MID1: variants seen among roughly 807,000 people sequenced by gnomAD.
MID1 encodes midline 1.
Under a neutral mutation model 40.4 loss-of-function variants are expected in MID1, and 7 were observed. The ratio of observed to expected loss-of-function variants is 0.17; its 90% CI spans 0.10 to 0.33. MID1 has a LOEUF of 0.33. Ranked by LOEUF, MID1 falls within the 10% of genes least tolerant of loss-of-function variation. MID1 has a pLI of 1.00. For synonymous variants in MID1, 229 were observed against 221.2 expected (o/e 1.04, Z -0.31); for missense variants, 367 against 558.5 (o/e 0.66, Z 3.46).
At chrX:10,751,813 C>A (rs945998304) in intron 1 of MID1, among the ~76,000 whole-genome samples, 1 of 111,912 alleles carries the variant, frequency 8.9e-6, no homozygotes, top group East Asian at 2.8e-4. Context: ...AATCTCATGC[C>A]GAAATGTGAC....
chrX:10,611,642 C>G (rs572415741), intron 1 of MID1, among the ~76,000 whole-genome samples: 1 of 111,208 alleles, frequency 9.0e-6, no homozygotes, highest in Admixed American at 9.6e-5. Flanking sequence ...GCAGTAGCTC[C>G]GGATCAAGGA....
chrX:10,793,667 C>A (rs948134949), intron 1 of MID1, among the ~76,000 whole-genome samples: 11 of 111,865 alleles, frequency 9.8e-5, no homozygotes, highest in African/African-American at 3.6e-4. Context: ...GAGGCCCCAG[C>A]TCCATTGGCT....
intron 1 of MID1, among the ~76,000 whole-genome samples, chrX:10,768,985 C>A (rs2043748025): frequency 9.0e-6 from 1 of 111,604 alleles, no homozygotes; most frequent in Non-Finnish European, 1.9e-5. Context: ...GGTGTGCACA[C>A]ATGTAGGAGG....
intron 7 of MID1, among the ~76,000 whole-genome samples, chrX:10,466,814 T>C (rs1929409810): frequency 8.9e-6 from 1 of 112,247 alleles, no homozygotes; most frequent in African/African-American, 3.2e-5. Flanking sequence ...AAGTTTATGG[T>C]ATATGTAGCC....
chrX:10,541,634 T>C (rs983102102), intron 2 of MID1, among the ~76,000 whole-genome samples: 1 of 111,731 alleles, frequency 9.0e-6, no homozygotes, highest in Non-Finnish European at 1.9e-5. Flanking sequence ...TCCAGTTCTT[T>C]GCACTTTGTA....
Position 10,630,343 on chromosome X carries a change from G to A in MID1, c.-186-9924C>T, listed in dbSNP as rs1246802111. 3.6e-5 allele frequency among the ~76,000 whole-genome samples: 4 copies of A among 111,476 alleles called. No homozygotes were observed. In the Admixed American group the frequency reaches 3.8e-4, roughly 11 times the overall value. On this transcript the variant is annotated intron_variant, in intron 1 of 10. Transcript: ENST00000380785. ...TTTAGCAAAGTCCTAAGGAAGTGAG[G>A]AAGCAAGACTTTCAACTACAGTGAT...
intron 9 of MID1, among the ~76,000 whole-genome samples, 188 bp from the exon 10 acceptor site, chrX:10,449,904 A>AAGTGGGTGGAAAGT (rs1174720494): frequency 8.9e-6 from 1 of 112,074 alleles, no homozygotes; most frequent in Non-Finnish European, 1.9e-5. Context: ...CAAACATGGA[A>AAGTGGGTGGAAAGT]AGTGGGTGGA....
chrX:10,565,893 T>C (rs1373271483), intron 2 of MID1, among the ~76,000 whole-genome samples: 1 of 105,510 alleles, frequency 9.5e-6, no homozygotes, highest in African/African-American at 3.5e-5. Context: ...CACTGCAACA[T>C]CCACCCCCCA....
At chrX:10,671,628 A>G (rs1447647299) in intron 1 of MID1, among the ~76,000 whole-genome samples, 1 of 111,132 alleles carries the variant, frequency 9.0e-6, no homozygotes, top group Non-Finnish European at 1.9e-5. Context: ...CCTCCCCATC[A>G]TCTACCTGAG....
At chrX:10,765,808 C>T (rs962401347) in intron 1 of MID1, among the ~76,000 whole-genome samples, 1 of 107,285 alleles carries the variant, frequency 9.3e-6, no homozygotes, top group Non-Finnish European at 1.9e-5. Context: ...TAATAAAAAG[C>T]TAAAAGCTGA....
rs934749873 is a variant in MID1 at position 10,591,045 on chromosome X, A to G, written c.-56-23442T>C. 8.6e-4 allele frequency among the ~76,000 whole-genome samples: 97 copies of G among 112,205 alleles called. 1 individual carries two copies. The highest frequency in any genetic ancestry group is 2.0e-3 in the African/African-American group (62 of 30,888). Reference sequence around the variant, plus strand: ...AAGAAGCTGGCTTTTAAACATTAAAAAAAAAGGCAAAATTAAAATAACTCA... The same window carrying G: ...AAGAAGCTGGCTTTTAAACATTAAAGAAAAAGGCAAAATTAAAATAACTCA... On this transcript the variant is annotated intron_variant, in intron 1 of 9. Coordinates refer to ENST00000317552, the MANE Select transcript of MID1 (RefSeq NM_000381.4).
intron 2 of MID1, among the ~76,000 whole-genome samples, chrX:10,534,879 T>G (rs780049794): frequency 2.8e-3 from 316 of 112,760 alleles, no homozygotes; most frequent in African/African-American, 9.6e-3. Flanking sequence ...TATGAAAGCA[T>G]GCCATTGTTT....
intron 3 of MID1, among the ~76,000 whole-genome samples, chrX:10,507,242 T>G (rs1326227807): frequency 1.8e-5 from 2 of 109,861 alleles, no homozygotes; most frequent in African/African-American, 6.6e-5. Context: ...CTGACAGATG[T>G]TACCATCTAA....
chrX:10,595,595 T>C (rs1602452778), intron 1 of MID1, among the ~76,000 whole-genome samples: 1 of 111,961 alleles, frequency 8.9e-6, no homozygotes, highest in East Asian at 2.8e-4. Context: ...CTCACTCATA[T>C]GTGGAATCTA....
intron 2 of MID1, among the ~76,000 whole-genome samples, chrX:10,545,384 G>A (rs180947556): frequency 3.6e-5 from 4 of 111,992 alleles, no homozygotes; most frequent in Admixed American, 1.9e-4. Flanking sequence ...GGGAAATTTC[G>A]GCCTTTCTTT....
chrX:10,584,941 C>CT (rs1330723322), intron 1 of MID1, among the ~76,000 whole-genome samples: 1 of 110,965 alleles, frequency 9.0e-6, no homozygotes, highest in Non-Finnish European at 1.9e-5. Flanking sequence ...GCTCATAACT[C>CT]TAAGGTGGGG....
chrX:10,761,286 C>T (rs191153712), intron 1 of MID1, among the ~76,000 whole-genome samples: 7 of 111,917 alleles, frequency 6.3e-5, no homozygotes, highest in Admixed American at 4.7e-4. Flanking sequence ...TGTGCACTAA[C>T]GAATTTTCTA....
intron 4 of MID1, among the ~76,000 whole-genome samples, chrX:10,494,880 ATGAC>A (rs968941063): frequency 9.0e-6 from 1 of 111,550 alleles, no homozygotes; most frequent in African/African-American, 3.2e-5. Flanking sequence ...CAATAAAAAC[ATGAC>A]TAATTTTAAA....
chrX:10,596,894 TAAG>T (rs930646468), intron 1 of MID1, among the ~76,000 whole-genome samples: 7 of 111,426 alleles, frequency 6.3e-5, no homozygotes, highest in African/African-American at 2.3e-4. Flanking sequence ...CAACCAGAAT[TAAG>T]AAGAATGCAA....
Sources: gnomAD v4.1 joint callset for allele counts (sites outside exome capture counted in the v4.1 genomes callset) on GRCh38, gnomAD v4.1.1 for gene constraint, MANE v1.5 for transcripts, NCBI Gene and HGNC (gene_info 2026-07-23, HGNC 2026-07-21) for gene names.